Variants in SLC25A28 observed in about 807,000 individuals in gnomAD.
SLC25A28 encodes the protein solute carrier family 25 member 28.
A neutral mutation model predicts 31.9 loss-of-function variants in SLC25A28; 10 were observed. The ratio of observed to expected loss-of-function variants is 0.31; its 90% CI spans 0.19 to 0.53. The LOEUF is 0.53. Among genes scored for constraint, SLC25A28 ranks in the 20% least tolerant of loss-of-function variants. SLC25A28 has a pLI of 0.95. For synonymous variants in SLC25A28, 208 were observed against 203.6 expected (o/e 1.02, Z -0.19); for missense variants, 256 against 490.3 (o/e 0.52, Z 4.51).
At chr10:99,619,832 C>G (rs1340435468) in intron 1 of SLC25A28, among the ~76,000 whole-genome samples, 21 of 152,240 alleles carry the variant, frequency 1.4e-4, no homozygotes, top group Admixed American at 1.4e-3. Flanking sequence ...TCAGATTTCA[C>G]TGACGGTTAG....
chr10:99,654,617 C>T, the SLC25A28 span, among the ~76,000 whole-genome samples: 698 of 152,060 alleles, frequency 4.6e-3, 6 homozygotes, highest in African/African-American at 0.016. Flanking sequence ...GATTGCACCA[C>T]CACACTCCAG....
At chr10:99,640,739 C>T in the SLC25A28 span, among the ~76,000 whole-genome samples, 25 of 151,472 alleles carry the variant, frequency 1.7e-4, no homozygotes, top group African/African-American at 5.1e-4. Flanking sequence ...TGACAGGCCC[C>T]GGTGTGTGAT....
chr10:99,615,879 C>A (rs2034639948), intron 1 of SLC25A28: 2 of 985,406 alleles, frequency 2.0e-6, no homozygotes, highest in Non-Finnish European at 1.2e-6. Context: ...TATTTGGCTA[C>A]CAATTCTGAA....
At chr10:99,639,274 G>A in the SLC25A28 span, among the ~76,000 whole-genome samples, 1 of 151,528 alleles carries the variant, frequency 6.6e-6, no homozygotes, top group Admixed American at 6.6e-5. Flanking sequence ...CGATATGTGG[G>A]AGCTAAGCTG....
chr10:99,648,686 G>GTTTTTTTTTTTTTTTTT, the SLC25A28 span, among the ~76,000 whole-genome samples: 2 of 119,806 alleles, frequency 1.7e-5, no homozygotes, highest in Admixed American at 8.6e-5. Context: ...ATATTCCTAG[G>GTTTTTTTTTTTTTTTTT]TTTTTTTTTT....
chr10:99,611,053 C>G lies in SLC25A28; in HGVS notation c.891G>C (p.Leu297Phe). The change falls in exon 4 of 4, where the codon TTG becomes TTC. Residue 297 changes from leucine to phenylalanine, a missense_variant. Leu to Phe is a conservative substitution (Grantham distance 22, BLOSUM62 0). Around this residue, in one of 4 missense-constraint regions of SLC25A28, gnomAD observed 158 missense variants for 379.1 expected, o/e 0.42. Coordinates refer to ENST00000370495, the MANE Select transcript of SLC25A28 (RefSeq NM_031212.4). This position sits in a 1 kb window ranked among gnomAD's most constrained non-coding sequence, Gnocchi z 5.5. The part of the protein sequence containing the change: ...TLLNTQESLA[L>F]NSHITGHITG... ...TGATATGTCCTGTAATGTGTGAGTT[C>G]AAAGCCAAGGACTCCTGGGTGTTGA... 1 of 1,614,172 alleles carries G rather than the reference C, an allele frequency of 6.2e-7. No homozygotes were observed. The highest frequency in any genetic ancestry group is 2.2e-5 in the East Asian group (1 of 44,880).
At chr10:99,653,294 A>T in the SLC25A28 span, among the ~76,000 whole-genome samples, 120 of 152,306 alleles carry the variant, frequency 7.9e-4, no homozygotes, top group Middle Eastern at 3.4e-3. Context: ...TAATGAAGGT[A>T]CTCAAGCAGC....
the SLC25A28 span, among the ~76,000 whole-genome samples, chr10:99,643,569 G>A: frequency 3.9e-5 from 6 of 152,086 alleles, no homozygotes; most frequent in Admixed American, 6.5e-5. Flanking sequence ...ATCTCCTTCA[G>A]TTCTGCTCTG....
At chr10:99,649,434 T>C in the SLC25A28 span, among the ~76,000 whole-genome samples, 2 of 152,212 alleles carry the variant, frequency 1.3e-5, no homozygotes, top group African/African-American at 2.4e-5. Context: ...TGTCCTTGTC[T>C]TGCTTTGGTA....
upstream of SLC25A28, chr10:99,621,943 C>T (rs1455559422): frequency 1.3e-5 from 2 of 152,230 alleles, no homozygotes; most frequent in Non-Finnish European, 2.9e-5. Context: ...CCCCTGTGTG[C>T]ACTCAAAATT....
At chr10:99,615,518 T>C (rs1387446757) in intron 1 of SLC25A28, 1 of 985,308 alleles carries the variant, frequency 1.0e-6, no homozygotes, top group Non-Finnish European at 1.2e-6. Context: ...TCCTGCCTGC[T>C]ACCAACAAAA....
chr10:99,639,686 C>G, the SLC25A28 span, among the ~76,000 whole-genome samples: 4 of 146,428 alleles, frequency 2.7e-5, no homozygotes, highest in Non-Finnish European at 4.5e-5. Context: ...CTTCTTGGCA[C>G]TGATCTTATT....
the SLC25A28 span, among the ~76,000 whole-genome samples, chr10:99,633,996 A>G: frequency 6.6e-6 from 1 of 152,224 alleles, no homozygotes. Flanking sequence ...AACTCCCAGT[A>G]CCAGCCTGGG....
At chr10:99,646,559 C>T in the SLC25A28 span, among the ~76,000 whole-genome samples, 3 of 152,162 alleles carry the variant, frequency 2.0e-5, no homozygotes, top group Non-Finnish European at 4.4e-5. Flanking sequence ...TGGGCTGCAC[C>T]CACTGTCTGA....
At chr10:99,641,653 C>T in the SLC25A28 span, among the ~76,000 whole-genome samples, 1 of 152,124 alleles carries the variant, frequency 6.6e-6, no homozygotes, top group Non-Finnish European at 1.5e-5. Context: ...ATGCCTATGT[C>T]CTGAATGGTA....
chr10:99,644,403 G>A, the SLC25A28 span, among the ~76,000 whole-genome samples: 12 of 151,664 alleles, frequency 7.9e-5, no homozygotes, highest in Admixed American at 1.3e-4. Flanking sequence ...GCTTTTTTTC[G>A]TTTTCCATTT....
chr10:99,631,693 A>G, the SLC25A28 span, among the ~76,000 whole-genome samples: 2 of 152,104 alleles, frequency 1.3e-5, no homozygotes, highest in African/African-American at 4.8e-5. Flanking sequence ...AGGATAGCCC[A>G]GGGTAGCTGA....
chr10:99,610,712 C>G lies in SLC25A28; in HGVS notation c.*137G>C. On this transcript the variant is annotated 3_prime_UTR_variant, in exon 4 of 4. Coordinates refer to ENST00000370495, the MANE Select transcript of SLC25A28 (RefSeq NM_031212.4). The stretch of plus-strand genomic sequence containing the variant: ...GAGGTTGGCAGGAACTGGTGTTAGT[C>G]AAAACACCAAAATCCTGGGGGAGAG... 8.6e-7 allele frequency: 1 copy of G among 1,168,356 alleles called. No individual in the cohort carries two copies. The highest frequency in any genetic ancestry group is 1.2e-6 in the Non-Finnish European group (1 of 835,896). The allele number at this position is 1,168,356 out of a possible 1,614,324, so 72.4% of individuals were successfully genotyped here.
In SLC25A28 at chr10:99,620,294, C is replaced by T. The variant is rs1288498157; in HGVS notation, c.42G>A (p.Gly14=). 9.2e-7 allele frequency: 1 copy of T among 1,085,554 alleles called. No individual in the cohort carries two copies. The highest frequency in any genetic ancestry group is 1.1e-6 in the Non-Finnish European group (1 of 877,332). The allele number at this position is 1,085,554 out of a possible 1,614,324, so 67.2% of individuals were successfully genotyped here. ...GGCTCCGCCCGGGCCCTGCCGCCGG[C>T]CCCCCCGCCACACCGCCAGCACCCC... ...EGRGAGGVAG[G]PAAGPGRSPG... is the part of the protein sequence containing the mutation. Residue 14 remains glycine (G), a synonymous_variant, in exon 1 of 4, where the codon GGG becomes GGA. Transcript: ENST00000370495.
Sources: allele counts gnomAD v4.1 joint callset (sites outside exome capture counted in the v4.1 genomes callset), GRCh38; gene constraint gnomAD v4.1.1; regional missense constraint gnomAD v4.1.1; non-coding constraint Gnocchi (gnomAD v3.1); transcripts MANE v1.5; gene names NCBI Gene and HGNC (gene_info 2026-07-23, HGNC 2026-07-21).